Variants in NBEA observed in about 807,000 individuals in gnomAD.
NBEA encodes the protein lysosomal-trafficking regulator 2.
Under a neutral mutation model 343.4 loss-of-function variants are expected in NBEA, and 44 were observed. The ratio of observed to expected loss-of-function variants is 0.13; its 90% CI spans 0.10 to 0.16. The LOEUF is 0.16. Ranked by LOEUF, NBEA falls within the 10% of genes least tolerant of loss-of-function variation. The probability of loss-of-function intolerance (pLI) is 1.00; values close to 1 mark genes in which losing one functional copy is unlikely to be tolerated. For synonymous variants in NBEA, 1,175 were observed against 1,238.7 expected (o/e 0.95, Z 1.08); for missense variants, 2,555 against 3,631.3 (o/e 0.70, Z 7.62).
intron 1 of NBEA, among the ~76,000 whole-genome samples, chr13:34,996,325 T>C (rs2060939640): frequency 1.3e-5 from 2 of 152,174 alleles, no homozygotes; most frequent in African/African-American, 2.4e-5. Flanking sequence ...TTATTTTACA[T>C]TCATATTTAT....
At chr13:35,176,974 A>G (rs763045372) in intron 27 of NBEA, 22 bp from the exon 28 acceptor site, 1 of 1,443,996 alleles carries the variant, frequency 6.9e-7, no homozygotes, top group South Asian at 1.2e-5. Flanking sequence ...TTATCTATTC[A>G]CAATTCTTTT....
At chr13:35,576,547 C>T (rs191086559) in intron 45 of NBEA, among the ~76,000 whole-genome samples, 2 of 152,130 alleles carry the variant, frequency 1.3e-5, no homozygotes, top group Admixed American at 1.3e-4. Flanking sequence ...TCATATAATT[C>T]TAAAAGCCGA....
intron 41 of NBEA, among the ~76,000 whole-genome samples, chr13:35,544,245 G>A (rs574053669): frequency 3.9e-5 from 6 of 152,084 alleles, no homozygotes; most frequent in South Asian, 2.1e-4. Flanking sequence ...TCAACAATTC[G>A]TAACAGGAAA....
intron 41 of NBEA, among the ~76,000 whole-genome samples, chr13:35,511,691 T>A (rs1374231148): frequency 2.0e-5 from 3 of 152,216 alleles, no homozygotes; most frequent in Admixed American, 2.0e-4. Context: ...AGCATTACAC[T>A]GTATCATATT....
chr13:35,650,405 A>G (rs1238544055), intron 52 of NBEA, among the ~76,000 whole-genome samples: 6 of 152,202 alleles, frequency 3.9e-5, no homozygotes, highest in Admixed American at 3.9e-4. Context: ...CACACTTCAC[A>G]TGTGTTTCTC....
At chr13:35,158,450 A>T (rs1199061796) in intron 21 of NBEA, among the ~76,000 whole-genome samples, 1 of 152,132 alleles carries the variant, frequency 6.6e-6, no homozygotes, top group African/African-American at 2.4e-5. Context: ...TGTGCAAAAA[A>T]AAAGTATTCT....
intron 38 of NBEA, among the ~76,000 whole-genome samples, chr13:35,424,426 G>A (rs899363291): frequency 6.6e-6 from 1 of 152,096 alleles, no homozygotes; most frequent in Non-Finnish European, 1.5e-5. Context: ...TTTGTCTTTG[G>A]TTCTGTTTAT....
At chr13:35,270,572 A>G (rs985314491) in intron 34 of NBEA, among the ~76,000 whole-genome samples, 2 of 152,164 alleles carry the variant, frequency 1.3e-5, no homozygotes, top group Non-Finnish European at 2.9e-5. Context: ...TCCCTTTCCT[A>G]GCCAAGGGAA....
At chr13:35,077,541 A>G (rs1046449480) in intron 10 of NBEA, among the ~76,000 whole-genome samples, 2 of 152,094 alleles carry the variant, frequency 1.3e-5, no homozygotes, top group Admixed American at 6.6e-5. Flanking sequence ...AACTATTGAT[A>G]TTATTCCTTA....
At chr13:35,620,469 A>C (rs539774440) in intron 48 of NBEA, among the ~76,000 whole-genome samples, 3 of 152,304 alleles carry the variant, frequency 2.0e-5, no homozygotes, top group African/African-American at 7.2e-5. Context: ...CCAGTGGGCC[A>C]GGAAAGGGTG....
chr13:35,604,864 C>A (rs765537911), intron 47 of NBEA, among the ~76,000 whole-genome samples: 43 of 152,068 alleles, frequency 2.8e-4, no homozygotes, highest in Non-Finnish European at 5.7e-4. Context: ...TGGCCCATCT[C>A]CAATGAAGTC....
intron 44 of NBEA, among the ~76,000 whole-genome samples, chr13:35,560,246 T>C (rs1027206768): frequency 6.6e-5 from 10 of 152,204 alleles, no homozygotes; most frequent in African/African-American, 2.4e-4. Flanking sequence ...CAGCGTACTG[T>C]TCCAGGATAT....
At chr13:35,545,803 G>A (rs936830456) in intron 41 of NBEA, among the ~76,000 whole-genome samples, 2 of 152,098 alleles carry the variant, frequency 1.3e-5, no homozygotes, top group Non-Finnish European at 2.9e-5. Flanking sequence ...TTCCATGGTA[G>A]TGCAAATTAA....
chr13:35,392,823 C>T (rs1203128178), intron 38 of NBEA, among the ~76,000 whole-genome samples: 5 of 152,058 alleles, frequency 3.3e-5, no homozygotes, highest in Admixed American at 6.6e-5. Context: ...AGAATGGTAT[C>T]GTGCCTAGAC....
intron 26 of NBEA, among the ~76,000 whole-genome samples, chr13:35,173,072 T>C (rs756718764): frequency 7.9e-5 from 12 of 151,596 alleles, no homozygotes; most frequent in Non-Finnish European, 1.3e-4. Context: ...ATAGTCAAAT[T>C]AAGGGCAGAA....
At chr13:34,973,214 A>G (rs1428938445) in intron 1 of NBEA, among the ~76,000 whole-genome samples, 2 of 151,912 alleles carry the variant, frequency 1.3e-5, no homozygotes, top group Non-Finnish European at 2.9e-5. Flanking sequence ...TCCTGGCCCA[A>G]ACATACCTGT....
At chr13:35,379,756 A>T (rs1443192952) in intron 38 of NBEA, among the ~76,000 whole-genome samples, 1 of 149,994 alleles carries the variant, frequency 6.7e-6, no homozygotes, top group Admixed American at 6.6e-5. Context: ...TTATTTATTG[A>T]AAAGACCATA....
intron 45 of NBEA, among the ~76,000 whole-genome samples, chr13:35,570,184 C>T (rs1593249768): frequency 6.6e-6 from 1 of 152,276 alleles, no homozygotes; most frequent in South Asian, 2.1e-4. Context: ...CAAGCTCCCA[C>T]CACCAAACCT....
intron 39 of NBEA, among the ~76,000 whole-genome samples, chr13:35,447,626 C>T (rs1299600484): frequency 1.3e-5 from 2 of 151,986 alleles, no homozygotes; most frequent in African/African-American, 4.8e-5. Flanking sequence ...CATTTTTTCT[C>T]CTGAAACTTT....
Sources: allele counts gnomAD v4.1 joint callset (sites outside exome capture counted in the v4.1 genomes callset), GRCh38; gene constraint gnomAD v4.1.1; transcripts MANE v1.5; gene names NCBI Gene and HGNC (gene_info 2026-07-23, HGNC 2026-07-21).